Variants in PTPN5 observed in about 807,000 individuals in gnomAD.
The protein encoded by PTPN5 is tyrosine-protein phosphatase non-receptor type 5.
In PTPN5, 29 loss-of-function variants were observed where a neutral mutation model predicts 73.9. The ratio of observed to expected loss-of-function variants is 0.39; its 90% CI spans 0.29 to 0.54. PTPN5 has a LOEUF of 0.54. Ranked by LOEUF, PTPN5 falls within the 20% of genes least tolerant of loss-of-function variation. The probability of loss-of-function intolerance (pLI) is 0.65; values close to 1 mark genes in which losing one functional copy is unlikely to be tolerated. For synonymous variants in PTPN5, 267 were observed against 304.7 expected (o/e 0.88, Z 1.29); for missense variants, 652 against 751.4 (o/e 0.87, Z 1.55).
At chr11:18,746,015 T>G (rs572433006) in intron 3 of PTPN5, among the ~76,000 whole-genome samples, 58 of 151,894 alleles carry the variant, frequency 3.8e-4, no homozygotes, top group Non-Finnish European at 7.5e-4. Context: ...GTCTACAGCA[T>G]GTAGCGTAAG....
At chr11:18,765,313 C>T (rs2134298353) in intron 3 of PTPN5, among the ~76,000 whole-genome samples, 1 of 152,218 alleles carries the variant, frequency 6.6e-6, no homozygotes, top group East Asian at 1.9e-4. Context: ...TCCACGGTGG[C>T]TGCAATGGCT....
At chr11:18,737,271 GA>G (rs755189932) in intron 9 of PTPN5, among the ~76,000 whole-genome samples, 8 of 152,198 alleles carry the variant, frequency 5.3e-5, no homozygotes, top group African/African-American at 1.7e-4. Context: ...CCCAAAGGAG[GA>G]AAACCCCTTT....
Position 18,729,547 on chromosome 11 carries a change from C to G in PTPN5, c.1510G>C (p.Gly504Arg), listed in dbSNP as rs1168728753. 6.3e-7 allele frequency: 1 copy of G among 1,597,386 alleles called. No homozygotes were observed. The highest frequency in any genetic ancestry group is 8.5e-7 in the Non-Finnish European group (1 of 1,174,568). Residue 504 changes from glycine (G) to arginine (R), a missense_variant, in exon 14 of 15, where the codon GGC becomes CGC. Gly to Arg is a moderately radical substitution (Grantham distance 125). Around this residue, in one of 3 missense-constraint regions of PTPN5, gnomAD observed 102 missense variants for 160.5 expected, o/e 0.64. Transcript: ENST00000358540. The surrounding 1 kb of genome is among the most constrained non-coding windows in gnomAD (Gnocchi z 5.2). ...CAGATGCTGGTGGCAATGAAGCAGC[C>G]GGTCCTCCCAATCCCTGCACTGAGG... is the stretch of plus-strand genomic sequence containing the variant. The part of the protein sequence containing the change: ...VHCSAGIGRT[G>R]CFIATSICCQ...
At chr11:18,757,113 G>C (rs549065910) in intron 3 of PTPN5, among the ~76,000 whole-genome samples, 3 of 152,200 alleles carry the variant, frequency 2.0e-5, no homozygotes, top group African/African-American at 7.2e-5. Flanking sequence ...TTCACATCCA[G>C]GGCTTCTGAA....
In PTPN5 at chr11:18,737,699, T is replaced by C. The variant is rs11024776; in HGVS notation, c.1000+181A>G. Among the ~76,000 whole-genome samples, 4,447 of 152,116 alleles carry C rather than the reference T, an allele frequency of 0.029. 220 individuals carry two copies. Among genetic ancestry groups the C allele is most frequent in the African/African-American group, 0.1 (4,182 of 41,436 alleles). On this transcript the variant is annotated intron_variant, in intron 9 of 14. Transcript: ENST00000358540. ...GACCAGAGAGTGCTGTGCGAGGAAA[T>C]GTACTCGCCTCTGGCCTCACCAGGG...
chr11:18,731,516 T>C (rs923094148), intron 12 of PTPN5, among the ~76,000 whole-genome samples: 2 of 152,198 alleles, frequency 1.3e-5, no homozygotes, highest in Admixed American at 1.3e-4. Context: ...TCCATGGCAT[T>C]GAGAAGGTGA....
Position 18,728,850 on chromosome 11 carries a change from G to T in PTPN5, c.*84C>A. ...ACTGAAGGGGAGGAAGCGGGGAGCA[G>T]GCCCAGGACCCGAGGCAGGGCCCTG... On this transcript the variant is annotated 3_prime_UTR_variant, in exon 15 of 15. Coordinates refer to ENST00000358540, the MANE Select transcript of PTPN5 (RefSeq NM_006906.2). This position sits in a 1 kb window ranked among gnomAD's most constrained non-coding sequence, Gnocchi z 4.1. 1.5e-6 allele frequency: 2 copies of T among 1,358,270 alleles called. No individual in the cohort carries two copies. The highest frequency in any genetic ancestry group is 1.0e-6 in the Non-Finnish European group (1 of 981,444). The allele number at this position is 1,358,270 out of a possible 1,614,324, so 84.1% of individuals were successfully genotyped here. A position where few individuals can be genotyped will look rare whatever the true frequency, so the allele number is the denominator to read the frequency against.
At chr11:18,777,018 G>A (rs746814126) in intron 1 of PTPN5, among the ~76,000 whole-genome samples, 58 of 152,202 alleles carry the variant, frequency 3.8e-4, no homozygotes, top group African/African-American at 1.3e-3. Flanking sequence ...AAAATTAGCC[G>A]GGCGTGGTGG....
chr11:18,743,353 A>C lies in PTPN5; in HGVS notation c.368T>G (p.Leu123Trp). Residue 123 changes from leucine to tryptophan, a missense_variant, in exon 5 of 15, where the codon TTG becomes TGG. Transcript: ENST00000358540. ...TTCCAGCTGTTTCAGGAGCGTCAGC[A>C]AAGAGGAGACGAGGTTTGTGGCGTT... ...SQNATNLVSS[L>W]LTLLKQLEPT... 6.2e-7 allele frequency: 1 copy of C among 1,614,166 alleles called. No individual in the cohort carries two copies. Among genetic ancestry groups the C allele is most frequent in the Non-Finnish European group, 8.5e-7 (1 of 1,180,030 alleles).
At chr11:18,756,289 C>T (rs1347137396) in intron 3 of PTPN5, among the ~76,000 whole-genome samples, 2 of 134,320 alleles carry the variant, frequency 1.5e-5, no homozygotes, top group Non-Finnish European at 3.1e-5. Context: ...CCCTTACATC[C>T]TTCACTTTTT....
intron 1 of PTPN5, among the ~76,000 whole-genome samples, chr11:18,778,904 C>T (rs1252676826): frequency 6.6e-6 from 1 of 152,246 alleles, no homozygotes; most frequent in African/African-American, 2.4e-5. Flanking sequence ...CACATTATTT[C>T]ATGCCTCTGG....
intron 3 of PTPN5, among the ~76,000 whole-genome samples, chr11:18,757,996 A>G (rs1850229614): frequency 6.6e-6 from 1 of 152,218 alleles, no homozygotes; most frequent in Non-Finnish European, 1.5e-5. Flanking sequence ...AGAGCCGAAG[A>G]TTTAAGCAAC....
intron 1 of PTPN5, among the ~76,000 whole-genome samples, chr11:18,791,043 C>G (rs998323519): frequency 6.6e-6 from 1 of 152,074 alleles, no homozygotes; most frequent in African/African-American, 2.4e-5. Context: ...AGCTTGTATT[C>G]TAGGGGAGGG....
rs141743674 is a variant in PTPN5, at chr11:18,737,900, C to T, written c.980G>A (p.Arg327Gln). The change falls in exon 9 of 15, where the codon CGG becomes CAG. Residue 327 changes from arginine (R) to glutamine (Q), a missense_variant. By Grantham distance (43) the Arg-to-Gln change is conservative. Coordinates refer to ENST00000358540, the MANE Select transcript of PTPN5 (RefSeq NM_006906.2). ...YDIPGLVRKN[R>Q]YKTILPNPHS... ...CTCACTGGGAAGTATGGTTTTGTAC[C>T]GGTTCTTCCGCACCAGCCCAGGGAT... 12 of 1,614,094 alleles carry T rather than the reference C, an allele frequency of 7.4e-6. No homozygotes were observed. Among genetic ancestry groups the T allele is most frequent in the Admixed American group, 3.3e-5 (2 of 60,020 alleles).
chr11:18,760,011 GTTCTAGGTCACT>G (rs981411007), intron 3 of PTPN5, among the ~76,000 whole-genome samples: 3 of 152,152 alleles, frequency 2.0e-5, no homozygotes, highest in Admixed American at 1.3e-4. Flanking sequence ...CCCTATTCAT[GTTCTAGGTCACT>G]TCTTAGAGGA....
chr11:18,733,987 A>C lies in PTPN5; in HGVS notation c.1001-352T>G, dbSNP rs1222067761. On this transcript the variant is annotated intron_variant, in intron 9 of 14. Coordinates refer to ENST00000358540, the MANE Select transcript of PTPN5 (RefSeq NM_006906.2). The surrounding 1 kb of genome is among the most constrained non-coding windows in gnomAD (Gnocchi z 4.3). ...ATTCCTGTACAGATCTTGTTCAGCA[A>C]GAGACAGCTAGCTTGAGTACACACT... 6.6e-6 allele frequency among the ~76,000 whole-genome samples: 1 copy of C among 152,238 alleles called. No individual in the cohort carries two copies. Among genetic ancestry groups the C allele is most frequent in the Non-Finnish European group, 1.5e-5 (1 of 68,036 alleles).
chr11:18,765,906 A>C, intron 2 of PTPN5, 23 bp from the exon 3 acceptor site: 1 of 1,531,838 alleles, frequency 6.5e-7, no homozygotes, highest in Non-Finnish European at 8.9e-7. Context: ...GGAAAAGGTA[A>C]GAATATGCTG....
At chr11:18,763,563 G>T (rs191282804) in intron 3 of PTPN5, among the ~76,000 whole-genome samples, 50 of 152,278 alleles carry the variant, frequency 3.3e-4, no homozygotes, top group Non-Finnish European at 5.9e-5. Context: ...AGAACATTGG[G>T]ATTTAACCTA....
rs151068115 is a variant in PTPN5 at position 18,765,554 on chromosome 11, A to T, written c.97+253T>A. The stretch of plus-strand genomic sequence containing the variant: ...TCCTCAGCTCTTCGTCCTTCTTTTC[A>T]CTTCCTAGCACACCTTCAATTGCCT... On this transcript the variant is annotated intron_variant, in intron 3 of 14. Coordinates refer to ENST00000358540, the MANE Select transcript of PTPN5 (RefSeq NM_006906.2). 6.5e-3 allele frequency among the ~76,000 whole-genome samples: 985 copies of T among 152,128 alleles called. 14 individuals carry two copies. Among genetic ancestry groups the T allele is most frequent in the African/African-American group, 0.023 (949 of 41,472 alleles).
Sources: gnomAD v4.1 joint callset for allele counts (sites outside exome capture counted in the v4.1 genomes callset) on GRCh38, gnomAD v4.1.1 for gene constraint, gnomAD v4.1.1 regional missense constraint, Gnocchi (gnomAD v3.1) non-coding constraint, MANE v1.5 for transcripts, NCBI Gene and HGNC (gene_info 2026-07-23, HGNC 2026-07-21) for gene names.